Variants in RUFY1 observed in about 807,000 individuals in gnomAD.
RUFY1 encodes RUN and FYVE domain containing 1, also known as RUN and FYVE domain-containing protein 1.
A neutral mutation model predicts 94.6 loss-of-function variants in RUFY1; 54 were observed. The ratio of observed to expected loss-of-function variants is 0.57; its 90% CI spans 0.46 to 0.72. RUFY1 has a LOEUF of 0.72. Ranked by LOEUF, RUFY1 falls within the 30% of genes least tolerant of loss-of-function variation. RUFY1 has a pLI of 0.00. For synonymous variants in RUFY1, 396 were observed against 347.3 expected (o/e 1.14, Z -1.56); for missense variants, 883 against 883.9 (o/e 1.00, Z 0.01).
intron 1 of RUFY1, among the ~76,000 whole-genome samples, chr5:179,556,644 G>T (rs571167013): frequency 1.3e-5 from 2 of 152,164 alleles, no homozygotes; most frequent in South Asian, 2.1e-4. Flanking sequence ...GGGACTACAG[G>T]TGCACGCCAG....
At chr5:179,577,249 G>A in intron 6 of RUFY1, 113 bp downstream of exon 6, 6 of 620,404 alleles carry the variant, frequency 9.7e-6, no homozygotes, top group Non-Finnish European at 1.6e-5. Context: ...TTGGCTCACT[G>A]CAACCTCCGC....
intron 9 of RUFY1, 145 bp downstream of exon 9, chr5:179,589,792 C>A: frequency 1.5e-6 from 1 of 683,224 alleles, no homozygotes. Flanking sequence ...CACTGCGGTC[C>A]CTGCCCACAT....
At chr5:179,557,678 G>T (rs1268411977) in intron 1 of RUFY1, among the ~76,000 whole-genome samples, 1 of 152,102 alleles carries the variant, frequency 6.6e-6, no homozygotes, top group African/African-American at 2.4e-5. Context: ...TCAAGCTAAT[G>T]GCACATCTTA....
At chr5:179,589,455 T>G (rs1764859986) in intron 8 of RUFY1, 91 bp from the exon 9 acceptor site, 1 of 801,474 alleles carries the variant, frequency 1.2e-6, no homozygotes, top group Non-Finnish European at 2.2e-6. Flanking sequence ...GAACATACAT[T>G]GTCAACTGTG....
At chr5:179,605,839 T>G in intron 15 of RUFY1, 37 bp from the exon 16 acceptor site, 1 of 1,430,592 alleles carries the variant, frequency 7.0e-7, no homozygotes, top group Admixed American at 1.7e-5. Flanking sequence ...CCTCACTCTC[T>G]CTCACTGCTA....
intron 13 of RUFY1, 109 bp from the exon 14 acceptor site, chr5:179,598,583 T>C: frequency 7.6e-7 from 1 of 1,311,254 alleles, no homozygotes; most frequent in South Asian, 1.3e-5. Flanking sequence ...CTTTAGATGC[T>C]CAAGAGGCAA....
At chr5:179,568,891 G>GA (rs1294747482) in intron 4 of RUFY1, 2 of 319,164 alleles carry the variant, frequency 6.3e-6, no homozygotes, top group East Asian at 3.4e-4. Context: ...TGCTCCGTGG[G>GA]ACGCAAGAAG....
At position 179,596,852 on chromosome 5, in the gene RUFY1, A is replaced by C. The variant is rs562822132; in HGVS notation, c.1631+171A>C. 21 of 860,706 alleles carry C rather than the reference A, an allele frequency of 2.4e-5. No homozygotes were observed. In the East Asian group the frequency reaches 6.2e-4, roughly 25 times the overall value. The allele number at this position is 860,706 out of a possible 1,614,324, so 53.3% of individuals were successfully genotyped here. On this transcript the variant is annotated intron_variant, in intron 13 of 17. Coordinates refer to ENST00000319449, the MANE Select transcript of RUFY1 (RefSeq NM_025158.5). The stretch of plus-strand genomic sequence containing the variant: ...CAGGGTTCGTATGTTATCCCTAGGG[A>C]GCTCCCTCCCCACAGGGCTCCTCAC...
chr5:179,559,842 G>T, intron 1 of RUFY1, 183 bp from the exon 2 acceptor site: 1 of 1,377,124 alleles, frequency 7.3e-7, no homozygotes, highest in Non-Finnish European at 9.4e-7. Context: ...CCAGGTAGGG[G>T]GCTGTGGCCT....
intron 5 of RUFY1, among the ~76,000 whole-genome samples, chr5:179,575,344 C>A (rs544072316): frequency 6.6e-6 from 1 of 151,866 alleles, no homozygotes; most frequent in East Asian, 1.9e-4. Flanking sequence ...TTGCTCTCTC[C>A]TCGTCTGTCT....
intron 14 of RUFY1, among the ~76,000 whole-genome samples, chr5:179,600,732 T>C (rs376319930): frequency 5.6e-5 from 8 of 141,758 alleles, no homozygotes; most frequent in East Asian, 4.7e-4. Context: ...AGTCTTGCTC[T>C]GTTGCCCAGG....
intron 15 of RUFY1, 145 bp downstream of exon 15, chr5:179,602,131 G>A: frequency 1.5e-6 from 1 of 658,324 alleles, no homozygotes; most frequent in South Asian, 1.8e-5. Flanking sequence ...GAGCTCTCAG[G>A]AAGCCCGGCC....
chr5:179,569,846 A>G (rs916828620), intron 5 of RUFY1, among the ~76,000 whole-genome samples: 33 of 151,980 alleles, frequency 2.2e-4, no homozygotes, highest in African/African-American at 8.0e-4. Context: ...CCGGGTTCAC[A>G]CCATTCTCCT....
chr5:179,606,083 C>T, intron 16 of RUFY1, 159 bp downstream of exon 16: 1 of 615,080 alleles, frequency 1.6e-6, no homozygotes, highest in South Asian at 2.0e-5. Flanking sequence ...GAAACGTGTC[C>T]CTCGGCTGAG....
chr5:179,593,746 C>G (rs1035741091), intron 11 of RUFY1, 101 bp downstream of exon 11: 2 of 1,487,302 alleles, frequency 1.3e-6, no homozygotes, highest in Admixed American at 4.7e-5. Flanking sequence ...CATAGAGCCC[C>G]TCGTATGTGT....
chr5:179,595,044 C>A (rs1242442218), intron 12 of RUFY1, 81 bp downstream of exon 12: 2 of 1,061,486 alleles, frequency 1.9e-6, no homozygotes, highest in Admixed American at 1.9e-5. Flanking sequence ...GAGTCCCTCT[C>A]CAAAGTGCAG....
intron 13 of RUFY1, among the ~76,000 whole-genome samples, chr5:179,597,243 G>T (rs1020395946): frequency 2.7e-5 from 4 of 145,794 alleles, no homozygotes; most frequent in Non-Finnish European, 4.5e-5. Flanking sequence ...GTTTTGTTTT[G>T]TTTTTTTTTT....
chr5:179,551,394 A>G (rs1020461785), intron 1 of RUFY1, among the ~76,000 whole-genome samples: 5 of 152,276 alleles, frequency 3.3e-5, no homozygotes, highest in African/African-American at 1.2e-4. Context: ...CAGTGATAGT[A>G]AGAGTTAAGT....
chr5:179,597,766 A>G (rs1256024344), intron 13 of RUFY1, among the ~76,000 whole-genome samples: 1 of 152,108 alleles, frequency 6.6e-6, no homozygotes, highest in African/African-American at 2.4e-5. Flanking sequence ...GAGAGAGCAG[A>G]CTCCAGGCGG....
Sources: gnomAD v4.1 joint callset for allele counts (sites outside exome capture counted in the v4.1 genomes callset) on GRCh38, gnomAD v4.1.1 for gene constraint, MANE v1.5 for transcripts, NCBI Gene and HGNC (gene_info 2026-07-23, HGNC 2026-07-21) for gene names.